Variants in SOX6 observed in about 807,000 individuals in gnomAD.
SOX6 encodes the protein SRY-box transcription factor 6, also known as transcription factor SOX-6.
In SOX6, 11 loss-of-function variants were observed where a neutral mutation model predicts 97.8. The observed-to-expected ratio is 0.11, with a 90% CI of 0.07 to 0.19. The LOEUF is 0.19. Among genes scored for constraint, SOX6 ranks in the 10% least tolerant of loss-of-function variants. The pLI is 1.00. For synonymous variants in SOX6, 360 were observed against 371.4 expected (o/e 0.97, Z 0.35); for missense variants, 810 against 1,039.5 (o/e 0.78, Z 3.04).
At chr11:16,107,875 C>G (rs16932565) in intron 7 of SOX6, among the ~76,000 whole-genome samples, 10,451 of 152,226 alleles carry the variant, frequency 0.069, 401 homozygotes, top group Non-Finnish European at 0.096. Context: ...CAGAGGGACA[C>G]TATGACTCAG....
chr11:16,117,818 A>G (rs1268521431), intron 6 of SOX6, among the ~76,000 whole-genome samples: 1 of 152,150 alleles, frequency 6.6e-6, no homozygotes, highest in Non-Finnish European at 1.5e-5. Context: ...CCATTTGGTG[A>G]CATGCCAGGA....
At chr11:16,204,580 AAAC>A (rs35067225) in intron 4 of SOX6, among the ~76,000 whole-genome samples, 70,702 of 151,248 alleles carry the variant, frequency 0.47, 16,678 homozygotes, top group Middle Eastern at 0.65. Context: ...GAAAGAAAAA[AAAC>A]AACTTTACTT....
intron 6 of SOX6, among the ~76,000 whole-genome samples, chr11:16,131,007 G>A (rs76392730): frequency 0.11 from 16,148 of 151,580 alleles, 1,763 homozygotes; most frequent in East Asian, 0.37. Flanking sequence ...ACTGAAAAAC[G>A]TCTAGAAGAA....
At chr11:16,685,603 C>T (rs1212537254) in intron 3 of SOX6, among the ~76,000 whole-genome samples, 2 of 152,264 alleles carry the variant, frequency 1.3e-5, no homozygotes, top group African/African-American at 2.4e-5. Flanking sequence ...GACAGCTCCA[C>T]CCCTGTGGCT....
intron 1 of SOX6, among the ~76,000 whole-genome samples, chr11:16,473,052 ATT>A (rs1213151177): frequency 6.6e-6 from 1 of 152,138 alleles, no homozygotes; most frequent in Admixed American, 6.5e-5. Flanking sequence ...TATAATATAT[ATT>A]GATTAATTTC....
At chr11:16,524,394 T>A (rs968651897) in intron 4 of SOX6, among the ~76,000 whole-genome samples, 1 of 152,042 alleles carries the variant, frequency 6.6e-6, no homozygotes, top group African/African-American at 2.4e-5. Context: ...ATTATCTCAA[T>A]AGATGCAGAA....
rs1856191157 is a variant in SOX6, at chr11:16,328,867, A to C, written c.238-10214T>G. Among the ~76,000 whole-genome samples, 15 of 152,296 alleles carry C rather than the reference A, an allele frequency of 9.8e-5. No individual in the cohort carries two copies. The South Asian group carries it at 3.1e-3, about 32-fold the overall frequency. On this transcript the variant is annotated intron_variant, in intron 2 of 15. Transcript: ENST00000683767. ...AGAGGAAAAAAGTATGTTTTTTTCTAATGTGACATACTGTAAAGAAAAGGA... is the reference window on the plus strand; with the variant it reads ...AGAGGAAAAAAGTATGTTTTTTTCTCATGTGACATACTGTAAAGAAAAGGA...
chr11:16,291,711 C>T lies in SOX6; in HGVS notation c.445+26735G>A, dbSNP rs577856711. Among the ~76,000 whole-genome samples, 4 of 152,162 alleles carry T rather than the reference C, an allele frequency of 2.6e-5. No homozygotes were observed. In the East Asian group the frequency reaches 7.7e-4, roughly 29 times the overall value. On this transcript the variant is annotated intron_variant, in intron 3 of 15. Coordinates refer to ENST00000683767, the MANE Select transcript of SOX6 (RefSeq NM_001367873.1). The stretch of plus-strand genomic sequence containing the variant: ...TGGCTAAAATAATGCTATTGTGAGG[C>T]ATGTGCGTACACATTTTAAATGACT...
intron 9 of SOX6, among the ~76,000 whole-genome samples, chr11:16,082,863 C>T (rs1019171747): frequency 3.9e-5 from 6 of 152,184 alleles, no homozygotes; most frequent in Non-Finnish European, 7.3e-5. Context: ...ACTCTGTGAT[C>T]TGACCCCTTG....
At chr11:16,517,202 A>G (rs1433801553) in intron 4 of SOX6, among the ~76,000 whole-genome samples, 1 of 152,142 alleles carries the variant, frequency 6.6e-6, no homozygotes, top group Non-Finnish European at 1.5e-5. Flanking sequence ...GCTATCTGTG[A>G]CAAACCCACA....
intron 1 of SOX6, among the ~76,000 whole-genome samples, chr11:16,451,850 T>C (rs940903417): frequency 2.0e-5 from 3 of 151,796 alleles, no homozygotes; most frequent in African/African-American, 4.8e-5. Flanking sequence ...CCTGGCAACA[T>C]AGTGAAACCC....
intron 1 of SOX6, among the ~76,000 whole-genome samples, chr11:16,476,133 C>T (rs1231248663): frequency 1.3e-5 from 2 of 152,148 alleles, no homozygotes; most frequent in African/African-American, 4.8e-5. Context: ...ATTGAGGCTT[C>T]TTTACCAGCT....
At chr11:16,140,239 C>T (rs955900636) in intron 6 of SOX6, among the ~76,000 whole-genome samples, 6 of 152,262 alleles carry the variant, frequency 3.9e-5, no homozygotes, top group Admixed American at 2.0e-4. Flanking sequence ...CCCCACTGAG[C>T]TGCCACCCAA....
At chr11:16,664,499 C>T (rs571178641) in intron 3 of SOX6, among the ~76,000 whole-genome samples, 1 of 152,294 alleles carries the variant, frequency 6.6e-6, no homozygotes, top group East Asian at 1.9e-4. Context: ...AGCATTTAGA[C>T]CAGAACTAGC....
chr11:16,177,800 T>C (rs573383105), intron 6 of SOX6, among the ~76,000 whole-genome samples: 1 of 151,902 alleles, frequency 6.6e-6, no homozygotes, highest in Non-Finnish European at 1.5e-5. Context: ...TGTCACATGC[T>C]GGCCTCACCT....
intron 3 of SOX6, among the ~76,000 whole-genome samples, chr11:16,237,168 GACAAATGACTGCTTTCT>G (rs1467771742): frequency 6.6e-6 from 1 of 151,910 alleles, no homozygotes; most frequent in Non-Finnish European, 1.5e-5. Flanking sequence ...AAAGTCTCTT[GACAAATGACTGCTTTCT>G]ACCCCATTAT....
At chr11:16,727,968 CAGA>C (rs964164194) in intron 2 of SOX6, among the ~76,000 whole-genome samples, 5 of 152,122 alleles carry the variant, frequency 3.3e-5, no homozygotes, top group African/African-American at 1.2e-4. Flanking sequence ...GTGGCCAGAA[CAGA>C]AGATATACAT....
chr11:15,978,804 TC>T (rs1315323967), intron 15 of SOX6, among the ~76,000 whole-genome samples: 3 of 136,362 alleles, frequency 2.2e-5, no homozygotes, highest in East Asian at 4.4e-4. Context: ...TAAATATATA[TC>T]TATATATAAT....
At chr11:16,735,132 A>G (rs1184134749) in intron 2 of SOX6, among the ~76,000 whole-genome samples, 1 of 152,168 alleles carries the variant, frequency 6.6e-6, no homozygotes, top group Non-Finnish European at 1.5e-5. Context: ...ATTTAAATGG[A>G]GAAGTATTAG....
Sources: gnomAD v4.1 joint callset for allele counts (sites outside exome capture counted in the v4.1 genomes callset) on GRCh38, gnomAD v4.1.1 for gene constraint, MANE v1.5 for transcripts, NCBI Gene and HGNC (gene_info 2026-07-23, HGNC 2026-07-21) for gene names.